Variants in MAGEL2 observed in about 807,000 individuals in gnomAD.
MAGEL2 encodes the protein MAGE family member L2.
For synonymous variants in MAGEL2, 792 were observed against 721.7 expected (o/e 1.10, Z -1.56); for missense variants, 1,830 against 1,699.2 (o/e 1.08, Z -1.35).
chr15:23,647,614 A>G lies in MAGEL2; in HGVS notation c.129T>C (p.Pro43=). Residue 43 remains proline (P), a synonymous_variant, in exon 1 of 1, where the codon CCT becomes CCC. Coordinates refer to ENST00000650528, the MANE Select transcript of MAGEL2 (RefSeq NM_019066.5). ...GCAAGTCAATTGGAGGTGGATCCCAAGGGACTGGCGGAGCCCGGGAGGAAG... is the reference window on the plus strand; with the variant it reads ...GCAAGTCAATTGGAGGTGGATCCCAGGGGACTGGCGGAGCCCGGGAGGAAG... ...PPASSRAPPV[P]WDPPPIDLQA... 6.5e-7 allele frequency: 1 copy of G among 1,536,974 alleles called. No homozygotes were observed. The highest frequency in any genetic ancestry group is 2.4e-5 in the East Asian group (1 of 40,894).
Position 23,644,383 on chromosome 15 carries a change from G to A in MAGEL2, c.3360C>T (p.Ile1120=), listed in dbSNP as rs1219469542. The change falls in exon 1 of 1, where the codon ATC becomes ATT. Residue 1120 remains isoleucine (I), a synonymous_variant. Coordinates refer to ENST00000650528, the MANE Select transcript of MAGEL2 (RefSeq NM_019066.5). ...FGLLMVVLSL[I]FMKGNCVRED... ...CCCTGACACAGTTGCCTTTCATAAA[G>A]ATGAGGCTCAAGACCACCATCAGAA... The A allele has an allele frequency of 2.5e-6, 4 of 1,613,922 alleles. No individual in the cohort carries two copies. The highest frequency in any genetic ancestry group is 3.4e-6 in the Non-Finnish European group (4 of 1,179,876).
chr15:23,646,111 C>T lies in MAGEL2; in HGVS notation c.1632G>A (p.Thr544=), dbSNP rs1237019927. 6 of 1,394,774 alleles carry T rather than the reference C, an allele frequency of 4.3e-6. No homozygotes were observed. The highest frequency in any genetic ancestry group is 3.1e-5 in the African/African-American group (2 of 64,942). 86.4% of individuals were successfully genotyped at this position (1,394,774 alleles called of 1,614,324 possible). Reference sequence around the variant, plus strand: ...CGGGTACCTGCGTAGCAGGTGGGGCCGTAGGCACCTGCGGCGCCGCCTGCA... The same window carrying T: ...CGGGTACCTGCGTAGCAGGTGGGGCTGTAGGCACCTGCGGCGCCGCCTGCA... The part of the protein sequence containing the change: ...PQVQAAPQVP[T]APPATQVPAA... The change falls in exon 1 of 1, where the codon ACG becomes ACA. Residue 544 remains threonine (T), a synonymous_variant. Transcript: ENST00000650528. The surrounding 1 kb of genome is among the most constrained non-coding windows in gnomAD (Gnocchi z 4.2).
chr15:23,643,750 A>G lies in MAGEL2; in HGVS notation c.*243T>C, dbSNP rs1890329708. 4.7e-6 allele frequency: 2 copies of G among 422,924 alleles called. No individual in the cohort carries two copies. The highest frequency in any genetic ancestry group is 8.1e-5 in the Admixed American group (2 of 24,690). The allele number at this position is 422,924 out of a possible 1,614,324, so 26.2% of individuals were successfully genotyped here. ...TACCAAAACATAACAATTAAAACAC[A>G]AAACAGAGAACCACAGATCTCACTT... On this transcript the variant is annotated 3_prime_UTR_variant, in exon 1 of 1. Coordinates refer to ENST00000650528, the MANE Select transcript of MAGEL2 (RefSeq NM_019066.5).
chr15:23,644,300 C>A lies in MAGEL2; in HGVS notation c.3443G>T (p.Gly1148Val). ...GAGCTTCTTAGTATTTCCAAAGAGACCGTTTGTCTCCCGGACATCCAACCC... is the reference window on the plus strand; with the variant it reads ...GAGCTTCTTAGTATTTCCAAAGAGAACGTTTGTCTCCCGGACATCCAACCC... ...KLGLDVRETN[G>V]LFGNTKKLIT... The change falls in exon 1 of 1, where the codon GGT (glycine) becomes GTT (valine). Residue 1148 changes from glycine to valine, a missense_variant. Transcript: ENST00000650528. 6.2e-7 allele frequency: 1 copy of A among 1,613,694 alleles called. No individual in the cohort carries two copies. The highest frequency in any genetic ancestry group is 1.1e-5 in the South Asian group (1 of 91,058).
In MAGEL2 at chr15:23,646,754, G is replaced by A. The variant is rs559191248; in HGVS notation, c.989C>T (p.Ala330Val). The change falls in exon 1 of 1, where the codon GCC (alanine) becomes GTC (valine). Residue 330 changes from alanine to valine, a missense_variant. Coordinates refer to ENST00000650528, the MANE Select transcript of MAGEL2 (RefSeq NM_019066.5). This position sits in a 1 kb window ranked among gnomAD's most constrained non-coding sequence, Gnocchi z 4.2. Reference sequence around the variant, plus strand: ...CAGGATCAGAGGCTGAGCCTGCGGGGCCCAAGAAGCCATCGGCTGTGCAGG... The same window carrying A: ...CAGGATCAGAGGCTGAGCCTGCGGGACCCAAGAAGCCATCGGCTGTGCAGG... ...APPAQPMASW[A>V]PQAQPLILQI... 3 of 1,535,054 alleles carry A rather than the reference G, an allele frequency of 2.0e-6. No homozygotes were observed. The highest frequency in any genetic ancestry group is 2.4e-5 in the East Asian group (1 of 40,818).
Position 23,647,805 on chromosome 15 carries a change from G to A in MAGEL2, c.-63C>T, listed in dbSNP as rs1890455008. On this transcript the variant is annotated 5_prime_UTR_variant, in exon 1 of 1. Transcript: ENST00000650528. ...CAGCTGCTGGGCCTTTTCCTCCAGA[G>A]AGAAGAGAATGCCTACGTGGCTGTT... 3 of 1,420,082 alleles carry A rather than the reference G, an allele frequency of 2.1e-6. 1 individual carries two copies. The highest frequency in any genetic ancestry group is 5.9e-5 in the Admixed American group (2 of 33,856). 88.0% of individuals were successfully genotyped at this position (1,420,082 alleles called of 1,614,324 possible).
In MAGEL2 at chr15:23,644,006, G is replaced by GGCCT; in HGVS notation, c.3733_3736dup (p.Pro1246GlnfsTer63). The GGCCT allele has an allele frequency of 1.3e-6, 2 of 1,597,586 alleles. No individual in the cohort carries two copies. Among genetic ancestry groups the GGCCT allele is most frequent in the Non-Finnish European group, 1.7e-6 (2 of 1,169,718 alleles). ...CTGCTACACCTATTAGCGGGGAGGG[G>GGCCT]GCCTGCTGGTGGGGCCGTGGGCACT... On this transcript the variant is annotated frameshift_variant, in exon 1 of 1. Transcript: ENST00000650528. LOFTEE classifies it high-confidence loss of function.
At position 23,644,913 on chromosome 15, in the gene MAGEL2, T is replaced by G. The variant is rs1890360514; in HGVS notation, c.2830A>C (p.Ser944Arg). Residue 944 changes from serine (S) to arginine (R), a missense_variant, in exon 1 of 1, where the codon AGT becomes CGT. Transcript: ENST00000650528. Reference sequence around the variant, plus strand: ...GAGGTGCTAGGGCCCTCCCAACCACTCAGGCCACGGGGGGTGTTTGGGTGC... The same window carrying G: ...GAGGTGCTAGGGCCCTCCCAACCACGCAGGCCACGGGGGGTGTTTGGGTGC... Reference protein sequence around the residue: ...WEHPNTPRGLSGWEGPSTSRI... With the variant: ...WEHPNTPRGLRGWEGPSTSRI... 1 of 1,613,110 alleles carries G rather than the reference T, an allele frequency of 6.2e-7. No homozygotes were observed. The highest frequency in any genetic ancestry group is 1.7e-5 in the Admixed American group (1 of 60,006).
In MAGEL2 at chr15:23,643,709, G is replaced by T. The variant is rs2140711309; in HGVS notation, c.*284C>A. 2.9e-6 allele frequency: 1 copy of T among 343,616 alleles called. No homozygotes were observed. The highest frequency in any genetic ancestry group is 4.6e-5 in the East Asian group (1 of 21,654). 21.3% of individuals were successfully genotyped at this position (343,616 alleles called of 1,614,324 possible). On this transcript the variant is annotated 3_prime_UTR_variant, in exon 1 of 1. Coordinates refer to ENST00000650528, the MANE Select transcript of MAGEL2 (RefSeq NM_019066.5). ...ATAGCTTCTCAATTCATTTCACAAA[G>T]CCAGCACAAAGCTGATACCAAAACA... is the stretch of plus-strand genomic sequence containing the variant.
chr15:23,645,667 G>A lies in MAGEL2; in HGVS notation c.2076C>T (p.Val692=), dbSNP rs781376327. The A allele has an allele frequency of 8.3e-6, 13 of 1,568,422 alleles. No homozygotes were observed. In the Admixed American group the frequency reaches 1.5e-4, roughly 18 times the overall value. The change falls in exon 1 of 1, where the codon GTC becomes GTT. Residue 692 remains valine (V), a synonymous_variant. Transcript: ENST00000650528. ...LQPSWQAPPA[V]LQAQPGPPVA... Reference sequence around the variant, plus strand: ...CCGGGGGTCCGGGCTGGGCCTGCAAGACTGCAGGCGGTGCCTGCCAGGAAG... The same window carrying A: ...CCGGGGGTCCGGGCTGGGCCTGCAAAACTGCAGGCGGTGCCTGCCAGGAAG...
rs1265640175 is a variant in MAGEL2, at chr15:23,645,003, A to G, written c.2740T>C (p.Trp914Arg). The G allele has an allele frequency of 1.2e-6, 2 of 1,613,720 alleles. No homozygotes were observed. The highest frequency in any genetic ancestry group is 3.3e-5 in the Admixed American group (2 of 60,008). The stretch of plus-strand genomic sequence containing the variant: ...CAGTCACTCAGATTTAGATTCTCCC[A>G]GGGCCTTGGGCCCTGCCAGTCATGA... ...AFHDWQGPRP[W>R]ENLNLSDWEV... Residue 914 changes from tryptophan to arginine, a missense_variant, in exon 1 of 1, where the codon TGG (tryptophan) becomes CGG (arginine). Coordinates refer to ENST00000650528, the MANE Select transcript of MAGEL2 (RefSeq NM_019066.5).
rs1890454946 is a variant in MAGEL2, at chr15:23,647,800, C to T, written c.-58G>A. The T allele has an allele frequency of 7.0e-7, 1 of 1,424,794 alleles. No individual in the cohort carries two copies. Among genetic ancestry groups the T allele is most frequent in the South Asian group, 1.5e-5 (1 of 64,702 alleles). 88.3% of individuals were successfully genotyped at this position (1,424,794 alleles called of 1,614,324 possible). A position where few individuals can be genotyped will look rare whatever the true frequency, so the allele number is the denominator to read the frequency against. On this transcript the variant is annotated 5_prime_UTR_variant, in exon 1 of 1. Coordinates refer to ENST00000650528, the MANE Select transcript of MAGEL2 (RefSeq NM_019066.5). The stretch of plus-strand genomic sequence containing the variant: ...TCGGACAGCTGCTGGGCCTTTTCCT[C>T]CAGAGAGAAGAGAATGCCTACGTGG...
chr15:23,647,486 C>G lies in MAGEL2; in HGVS notation c.257G>C (p.Gly86Ala), dbSNP rs762897647. ...VVPMTQPPAL[G>A]GPIVPAPPLG... ...CGGGGGAGCCGGGACTATCGGGCCCCCTAGGGCAGGAGGCTGGGTCATCGG... is the reference window on the plus strand; with the variant it reads ...CGGGGGAGCCGGGACTATCGGGCCCGCTAGGGCAGGAGGCTGGGTCATCGG... Residue 86 changes from glycine (G) to alanine (A), a missense_variant, in exon 1 of 1, where the codon GGG becomes GCG. Coordinates refer to ENST00000650528, the MANE Select transcript of MAGEL2 (RefSeq NM_019066.5). 18 of 1,532,722 alleles carry G rather than the reference C, an allele frequency of 1.2e-5. No individual in the cohort carries two copies. The highest frequency in any genetic ancestry group is 7.2e-5 in the South Asian group (6 of 83,670). The allele number at this position is 1,532,722 out of a possible 1,614,324, so 94.9% of individuals were successfully genotyped here.
chr15:23,646,763 G>A lies in MAGEL2; in HGVS notation c.980C>T (p.Ala327Val). The part of the protein sequence containing the change: ...QPMAPPAQPM[A>V]SWAPQAQPLI... ...AGGCTGAGCCTGCGGGGCCCAAGAA[G>A]CCATCGGCTGTGCAGGTGGGGCCAT... The change falls in exon 1 of 1, where the codon GCT becomes GTT. Residue 327 changes from alanine to valine, a missense_variant. Physicochemically the swap from Ala to Val is moderately conservative, Grantham distance 64. Coordinates refer to ENST00000650528, the MANE Select transcript of MAGEL2 (RefSeq NM_019066.5). This position sits in a 1 kb window ranked among gnomAD's most constrained non-coding sequence, Gnocchi z 4.2. The A allele has an allele frequency of 2.6e-6, 4 of 1,533,432 alleles. No individual in the cohort carries two copies. Among genetic ancestry groups the A allele is most frequent in the African/African-American group, 1.4e-5 (1 of 71,756 alleles). 95.0% of individuals were successfully genotyped at this position (1,533,432 alleles called of 1,614,324 possible).
In MAGEL2 at chr15:23,647,025, C is replaced by A; in HGVS notation, c.718G>T (p.Ala240Ser). Residue 240 changes from alanine (A) to serine (S), a missense_variant, in exon 1 of 1, where the codon GCC (alanine) becomes TCC (serine). By Grantham distance (99) the Ala-to-Ser change is moderately conservative. Transcript: ENST00000650528. ...AQPPAPGVLMAQPLTPGVLMV... is the reference protein window; with the variant it reads ...AQPPAPGVLMSQPLTPGVLMV... ...AGGACTCCCGGAGTCAGAGGCTGGG[C>A]CATCAGGACTCCCGGAGCTGGAGGC... The A allele has an allele frequency of 2.0e-6, 3 of 1,536,818 alleles. No homozygotes were observed. The highest frequency in any genetic ancestry group is 1.7e-6 in the Non-Finnish European group (2 of 1,146,788).
rs2140713116 is a variant in MAGEL2 at position 23,644,876 on chromosome 15, C to T, written c.2867G>A (p.Ser956Asn). The T allele has an allele frequency of 1.2e-6, 2 of 1,612,754 alleles. No individual in the cohort carries two copies. Among genetic ancestry groups the T allele is most frequent in the Admixed American group, 1.7e-5 (1 of 60,020 alleles). Residue 956 changes from serine (S) to asparagine (N), a missense_variant, in exon 1 of 1, where the codon AGT becomes AAT. Physicochemically the swap from Ser to Asn is conservative, Grantham distance 46. Transcript: ENST00000650528. ...WEGPSTSRIL[S>N]GWEGPSASWA... ...GGATGCGCTGGGCCCTTCCCAGCCA[C>T]TCAGGATCCTGGAGGTGCTAGGGCC...
rs977965281 is a variant in MAGEL2, at chr15:23,643,663, A to G, written c.*330T>C. On this transcript the variant is annotated 3_prime_UTR_variant, in exon 1 of 1. Transcript: ENST00000650528. ...AACAACCGATTACAATGCTACATGA[A>G]CTATACCAGAAATGAGATGGATAGC... 4.1e-6 allele frequency: 1 copy of G among 245,180 alleles called. No individual in the cohort carries two copies. The highest frequency in any genetic ancestry group is 5.3e-5 in the Admixed American group (1 of 18,756). 15.2% of individuals were successfully genotyped at this position (245,180 alleles called of 1,614,324 possible).
Position 23,643,699 on chromosome 15 carries a change from A to G in MAGEL2, c.*294T>C. 6.2e-6 allele frequency: 2 copies of G among 324,638 alleles called. No individual in the cohort carries two copies. Among genetic ancestry groups the G allele is most frequent in the Middle Eastern group, 8.6e-4 (1 of 1,168 alleles). The allele number at this position is 324,638 out of a possible 1,614,324, so 20.1% of individuals were successfully genotyped here. On this transcript the variant is annotated 3_prime_UTR_variant, in exon 1 of 1. Transcript: ENST00000650528. ...AATGAGATGGATAGCTTCTCAATTC[A>G]TTTCACAAAGCCAGCACAAAGCTGA... is the stretch of plus-strand genomic sequence containing the variant.
At position 23,646,150 on chromosome 15, in the gene MAGEL2, C is replaced by T; in HGVS notation, c.1593G>A (p.Leu531=). 2 of 1,341,348 alleles carry T rather than the reference C, an allele frequency of 1.5e-6. No homozygotes were observed. The highest frequency in any genetic ancestry group is 1.9e-6 in the Non-Finnish European group (2 of 1,054,720). The allele number at this position is 1,341,348 out of a possible 1,614,324, so 83.1% of individuals were successfully genotyped here. ...GCGCCGCCTGCACCTGCGGGGCCGG[C>T]AGCCTAGCCTGCGGGGCCTGCCGCA... The part of the protein sequence containing the change: ...PPLRQAPQAR[L]PAPQVQAAPQ... Residue 531 remains leucine (L), a synonymous_variant, in exon 1 of 1, where the codon CTG becomes CTA. Transcript: ENST00000650528. The surrounding 1 kb of genome is among the most constrained non-coding windows in gnomAD (Gnocchi z 4.2).
Sources: allele counts gnomAD v4.1 joint callset, GRCh38; gene constraint gnomAD v4.1.1; non-coding constraint Gnocchi (gnomAD v3.1); transcripts MANE v1.5; gene names NCBI Gene and HGNC (gene_info 2026-07-23, HGNC 2026-07-21).